LRRC7: variants seen among roughly 807,000 people sequenced by gnomAD.
The protein encoded by LRRC7 is leucine rich repeat containing 7.
Under a neutral mutation model 175.7 loss-of-function variants are expected in LRRC7, and 23 were observed. That is an observed-to-expected ratio of 0.13 (90% CI 0.09 to 0.19). The LOEUF (loss-of-function observed/expected upper bound fraction) is 0.19. Among genes scored for constraint, LRRC7 ranks in the 10% least tolerant of loss-of-function variants. The pLI, the probability that LRRC7 is intolerant of heterozygous loss-of-function variation, is 1.00. For missense variants in LRRC7, 1,354 were observed against 1,904.7 expected (o/e 0.71, Z 5.38); for synonymous variants, 685 against 680.9 (o/e 1.01, Z -0.09).
chr1:69,572,367 G>A lies in LRRC7; in HGVS notation c.2+3726G>A, dbSNP rs72934498. ...TGGAACAAAAAAGCAAATTATATAA[G>A]CTATTGTAATTAAATCAAATACCTA... On this transcript the variant is annotated intron_variant, in intron 1 of 26. Transcript: ENST00000651989. Among the ~76,000 whole-genome samples, 834 of 152,114 alleles carry A rather than the reference G, an allele frequency of 5.5e-3. 3 individuals are homozygous for A. The highest frequency in any genetic ancestry group is 0.019 in the African/African-American group (787 of 41,532).
At chr1:69,731,308 T>C (rs1307268945) in intron 2 of LRRC7, among the ~76,000 whole-genome samples, 1 of 151,720 alleles carries the variant, frequency 6.6e-6, no homozygotes, top group Admixed American at 6.6e-5. Context: ...AAAAAAACCA[T>C]GAGACCTCAT....
At chr1:69,737,214 G>A (rs754499042) in intron 2 of LRRC7, among the ~76,000 whole-genome samples, 3 of 152,022 alleles carry the variant, frequency 2.0e-5, no homozygotes, top group East Asian at 1.9e-4. Context: ...CCCATAAACC[G>A]CACGTGTTGT....
chr1:69,841,422 A>T (rs1221326198), intron 7 of LRRC7, among the ~76,000 whole-genome samples: 1 of 152,018 alleles, frequency 6.6e-6, no homozygotes, highest in Non-Finnish European at 1.5e-5. Context: ...GAAGAAAACA[A>T]CGTTAAGACT....
At chr1:69,631,052 G>A (rs1362780426) in intron 1 of LRRC7, among the ~76,000 whole-genome samples, 1 of 151,892 alleles carries the variant, frequency 6.6e-6, no homozygotes, top group Non-Finnish European at 1.5e-5. Flanking sequence ...CTTAATAGAA[G>A]TACATATTTT....
chr1:69,666,805 CATT>C (rs1407387046), intron 1 of LRRC7, among the ~76,000 whole-genome samples: 2 of 151,466 alleles, frequency 1.3e-5, no homozygotes, highest in Non-Finnish European at 2.9e-5. Context: ...ATTTCAAATT[CATT>C]AATTTTAGTC....
intron 4 of LRRC7, among the ~76,000 whole-genome samples, chr1:69,793,200 A>C (rs889602841): frequency 1.1e-4 from 17 of 152,156 alleles, no homozygotes; most frequent in African/African-American, 3.9e-4. Context: ...AGATGATTAA[A>C]TAAGCAATTT....
intron 3 of LRRC7, among the ~76,000 whole-genome samples, chr1:69,773,046 A>C (rs922112040): frequency 6.6e-6 from 1 of 152,186 alleles, no homozygotes; most frequent in Non-Finnish European, 1.5e-5. Flanking sequence ...AAACATCTCT[A>C]CTTAAAATGT....
intron 1 of LRRC7, among the ~76,000 whole-genome samples, chr1:69,642,959 A>G (rs2100440271): frequency 6.6e-6 from 1 of 152,094 alleles, no homozygotes; most frequent in East Asian, 1.9e-4. Context: ...AGAGCCAGGA[A>G]AGCCAGAGGT....
At chr1:69,669,105 T>A (rs114393641) in intron 1 of LRRC7, among the ~76,000 whole-genome samples, 3 of 152,230 alleles carry the variant, frequency 2.0e-5, no homozygotes, top group African/African-American at 7.2e-5. Flanking sequence ...AAGAATAGTT[T>A]ATACACCGCA....
chr1:70,097,734 A>G (rs1664515820), intron 25 of LRRC7, among the ~76,000 whole-genome samples: 1 of 151,632 alleles, frequency 6.6e-6, no homozygotes, highest in African/African-American at 2.4e-5. Flanking sequence ...TTCTTGTGCT[A>G]TTTTACTAAG....
intron 1 of LRRC7, among the ~76,000 whole-genome samples, chr1:69,653,558 T>A (rs1465242266): frequency 6.6e-6 from 1 of 152,090 alleles, no homozygotes; most frequent in African/African-American, 2.4e-5. Context: ...TTGGTAGGAA[T>A]GTAAAATGTG....
At chr1:69,861,385 T>C (rs933155131) in intron 7 of LRRC7, among the ~76,000 whole-genome samples, 5 of 152,162 alleles carry the variant, frequency 3.3e-5, no homozygotes, top group African/African-American at 9.7e-5. Context: ...TTTCAACATA[T>C]TGATTTAGAA....
chr1:69,572,593 A>T (rs1455252051), intron 1 of LRRC7, among the ~76,000 whole-genome samples: 3 of 152,168 alleles, frequency 2.0e-5, no homozygotes, highest in African/African-American at 7.2e-5. Flanking sequence ...AATCATTAGA[A>T]ATAATTACAT....
At chr1:70,079,238 A>G (rs2102139872) in intron 24 of LRRC7, among the ~76,000 whole-genome samples, 1 of 152,332 alleles carries the variant, frequency 6.6e-6, no homozygotes, top group African/African-American at 2.4e-5. Flanking sequence ...TTTAAGTGCA[A>G]AGAGCAGTGA....
At chr1:69,985,000 G>A (rs1008493843) in intron 9 of LRRC7, among the ~76,000 whole-genome samples, 1 of 152,080 alleles carries the variant, frequency 6.6e-6, no homozygotes, top group African/African-American at 2.4e-5. Context: ...CTTTATAAAG[G>A]CACGTGCTGT....
chr1:69,585,798 G>A (rs1436874249), intron 1 of LRRC7, among the ~76,000 whole-genome samples: 2 of 152,176 alleles, frequency 1.3e-5, no homozygotes, highest in Admixed American at 1.3e-4. Flanking sequence ...GAATGACACA[G>A]CCAGCCACCA....
intron 3 of LRRC7, among the ~76,000 whole-genome samples, chr1:69,777,159 A>G: frequency 6.6e-6 from 1 of 152,090 alleles, no homozygotes. Flanking sequence ...CTACAGAGGA[A>G]CCCTAACACT....
At chr1:70,093,235 A>T (rs1664154397) in intron 25 of LRRC7, among the ~76,000 whole-genome samples, 1 of 152,220 alleles carries the variant, frequency 6.6e-6, no homozygotes, top group Non-Finnish European at 1.5e-5. Context: ...GAGCCAACAA[A>T]TCTGATAGTA....
chr1:69,889,090 C>G (rs1198823785), intron 7 of LRRC7, among the ~76,000 whole-genome samples: 1 of 152,094 alleles, frequency 6.6e-6, no homozygotes, highest in Non-Finnish European at 1.5e-5. Context: ...TGAAAAAATA[C>G]TTTATTGCTA....
Sources: allele counts gnomAD v4.1 joint callset (sites outside exome capture counted in the v4.1 genomes callset), GRCh38; gene constraint gnomAD v4.1.1; transcripts MANE v1.5; gene names NCBI Gene and HGNC (gene_info 2026-07-23, HGNC 2026-07-21).